The following PRKX variants were observed in gnomAD, a reference collection of about 807,000 sequenced individuals.
PRKX encodes protein kinase cAMP-dependent X-linked catalytic subunit.
A neutral mutation model predicts 22.0 loss-of-function variants in PRKX; 12 were observed. The observed-to-expected ratio is 0.54, with a 90% CI of 0.35 to 0.88. The LOEUF (loss-of-function observed/expected upper bound fraction) is 0.88, where lower values mean the gene tolerates loss of function less well. Ranked by LOEUF, PRKX falls within the 40% of genes least tolerant of loss-of-function variation. The pLI is 0.01. For missense variants in PRKX, 217 were observed against 308.0 expected (o/e 0.70, Z 2.21); for synonymous variants, 134 against 137.7 (o/e 0.97, Z 0.19).
intron 3 of PRKX, among the ~76,000 whole-genome samples, chrX:3,642,742 T>C (rs1294632759): frequency 3.6e-5 from 4 of 110,157 alleles, no homozygotes; most frequent in African/African-American, 9.9e-5. Flanking sequence ...CTCACACCTA[T>C]AATCCCAGCA....
At chrX:3,706,554 C>T (rs746064691) in intron 1 of PRKX, among the ~76,000 whole-genome samples, 6 of 109,815 alleles carry the variant, frequency 5.5e-5, no homozygotes, top group Non-Finnish European at 1.1e-4. Context: ...AGCACGATCT[C>T]AGCCCACTGC....
intron 3 of PRKX, among the ~76,000 whole-genome samples, chrX:3,642,745 T>G (rs12396692): frequency 0.093 from 10,214 of 109,482 alleles, 687 homozygotes; most frequent in East Asian, 0.29. Flanking sequence ...ACACCTATAA[T>G]CCCAGCACTT....
At chrX:3,692,930 A>G (rs1241973432) in intron 1 of PRKX, among the ~76,000 whole-genome samples, 1 of 111,626 alleles carries the variant, frequency 9.0e-6, no homozygotes, top group Non-Finnish European at 1.9e-5. Flanking sequence ...CTAACACTCC[A>G]TAACCACAAT....
intron 4 of PRKX, among the ~76,000 whole-genome samples, chrX:3,631,791 GC>G (rs1926788341): frequency 8.9e-6 from 1 of 112,535 alleles, no homozygotes; most frequent in Non-Finnish European, 1.9e-5. Context: ...GGATGCTGGA[GC>G]CCCCAGGAAC....
chrX:3,640,538 C>T (rs1927057130), intron 4 of PRKX, among the ~76,000 whole-genome samples: 1 of 112,043 alleles, frequency 8.9e-6, no homozygotes, highest in African/African-American at 3.2e-5. Flanking sequence ...GACTTGAACA[C>T]TCAATCATGC....
intron 3 of PRKX, among the ~76,000 whole-genome samples, chrX:3,654,457 GTT>G (rs746800596): frequency 2.1e-4 from 9 of 43,338 alleles, no homozygotes; most frequent in Admixed American, 3.4e-4. Context: ...ATTCAATTTG[GTT>G]TTTTTTTTTT....
At chrX:3,632,928 C>T (rs1377579068) in intron 4 of PRKX, among the ~76,000 whole-genome samples, 1 of 112,862 alleles carries the variant, frequency 8.9e-6, no homozygotes, top group Non-Finnish European at 1.9e-5. Flanking sequence ...CTGAAAAATT[C>T]ATGCCCAGGC....
At chrX:3,701,141 C>G (rs1490524392) in intron 1 of PRKX, among the ~76,000 whole-genome samples, 7 of 108,743 alleles carry the variant, frequency 6.4e-5, no homozygotes, top group Non-Finnish European at 1.3e-4. Flanking sequence ...CAGAATGTTG[C>G]TCTGTCACTA....
rs774330242 is a variant in PRKX at position 3,660,803 on chromosome X, G to A, written c.336-5391C>T. On this transcript the variant is annotated intron_variant, in intron 2 of 8. Transcript: ENST00000262848. ...CAGGTTCGGTCACTTGGCTTGCAGG[G>A]GAAGTTGCAATTTCAACCATGGGTA... Among the ~76,000 whole-genome samples, 7 of 111,222 alleles carry A rather than the reference G, an allele frequency of 6.3e-5. No individual in the cohort carries two copies. In the South Asian group the frequency reaches 2.7e-3, roughly 43 times the overall value.
At chrX:3,625,456 G>C (rs1440040593) in intron 5 of PRKX, among the ~76,000 whole-genome samples, 2 of 112,437 alleles carry the variant, frequency 1.8e-5, no homozygotes, top group African/African-American at 3.2e-5. Flanking sequence ...TGCCCAGGGG[G>C]CTGGTGCACC....
At chrX:3,648,605 CCTGTGTGTGTGTGTGT>C (rs1196543999) in intron 3 of PRKX, among the ~76,000 whole-genome samples, 4 of 46,169 alleles carry the variant, frequency 8.7e-5, no homozygotes, top group African/African-American at 1.8e-4. Flanking sequence ...TCTCTCTACT[CCTGTGTGTGTGTGTGT>C]GTGTGTGTGT....
chrX:3,647,646 C>T lies in PRKX; in HGVS notation c.600-5675G>A, dbSNP rs768909724. Among the ~76,000 whole-genome samples, 249 of 106,266 alleles carry T rather than the reference C, an allele frequency of 2.3e-3. 2 individuals are homozygous for T. The highest frequency in any genetic ancestry group is 8.3e-3 in the African/African-American group (246 of 29,554). The allele number at this position is 106,266 out of a possible 115,157, so 92.3% of individuals were successfully genotyped here. On this transcript the variant is annotated intron_variant, in intron 3 of 8. Transcript: ENST00000262848. ...ATATATTATTTATGTGTAAATATTA[C>T]AATTATATAGTTATTTATAATTATA...
chrX:3,662,691 T>C (rs1927623015), intron 2 of PRKX, among the ~76,000 whole-genome samples: 1 of 36,963 alleles, frequency 2.7e-5, no homozygotes. Context: ...TGAGACTCCA[T>C]CTCAAAAAAA....
At chrX:3,687,598 C>G in intron 1 of PRKX, among the ~76,000 whole-genome samples, 1 of 111,266 alleles carries the variant, frequency 9.0e-6, no homozygotes, top group South Asian at 3.8e-4. Context: ...CCACCCTGCA[C>G]ACTCACCCCA....
At chrX:3,653,815 ATG>A (rs1429896070) in intron 3 of PRKX, among the ~76,000 whole-genome samples, 1 of 70,623 alleles carries the variant, frequency 1.4e-5, no homozygotes, top group Non-Finnish European at 2.4e-5. Flanking sequence ...ATTATATACT[ATG>A]TGATATATAT....
intron 1 of PRKX, among the ~76,000 whole-genome samples, chrX:3,686,645 C>T (rs1179220623): frequency 1.8e-5 from 2 of 110,033 alleles, no homozygotes; most frequent in Non-Finnish European, 3.8e-5. Flanking sequence ...GCAACCTCCA[C>T]CTCCTGGGTT....
At chrX:3,668,990 T>C (rs190560537) in intron 2 of PRKX, among the ~76,000 whole-genome samples, 53 of 112,689 alleles carry the variant, frequency 4.7e-4, no homozygotes, top group African/African-American at 1.6e-3. Context: ...AGGCATCTGG[T>C]GGGTGGAGCC....
chrX:3,666,236 A>T (rs1444868576), intron 2 of PRKX, among the ~76,000 whole-genome samples: 1 of 102,010 alleles, frequency 9.8e-6, no homozygotes, highest in African/African-American at 3.6e-5. Context: ...CTCACTGCAA[A>T]CTCTGCCTCC....
At chrX:3,636,098 C>T (rs1471440375) in intron 4 of PRKX, among the ~76,000 whole-genome samples, 1 of 112,561 alleles carries the variant, frequency 8.9e-6, no homozygotes, top group Non-Finnish European at 1.9e-5. Flanking sequence ...ATATGATCTC[C>T]TTCCTAATCA....
Sources: allele counts gnomAD v4.1 joint callset (sites outside exome capture counted in the v4.1 genomes callset), GRCh38; gene constraint gnomAD v4.1.1; transcripts MANE v1.5; gene names NCBI Gene and HGNC (gene_info 2026-07-23, HGNC 2026-07-21).